Variants in LIPA observed in about 807,000 individuals in gnomAD.
LIPA encodes the protein lipase A, lysosomal acid type.
A neutral mutation model predicts 40.6 loss-of-function variants in LIPA; 26 were observed. That is an observed-to-expected ratio of 0.64 (90% CI 0.47 to 0.89). LIPA has a LOEUF of 0.89. LIPA is among the 40% of genes least tolerant of loss of function. The pLI, the probability that LIPA is intolerant of heterozygous loss-of-function variation, is 0.00. For synonymous variants in LIPA, 188 were observed against 168.4 expected, an observed-to-expected ratio of 1.12 and a Z score of -0.90; for missense variants, 455 against 479.6, an observed-to-expected ratio of 0.95 and a Z score of 0.48.
intron 8 of LIPA, 95 bp from the exon 9 acceptor site, chr10:89,216,104 C>G: frequency 1.2e-6 from 1 of 814,120 alleles, no homozygotes. Context: ...CGGAAATCAA[C>G]TTTATACCAA....
At chr10:89,385,459 G>A (rs918457601) in intron 2 of LIPA, among the ~76,000 whole-genome samples, 6 of 152,254 alleles carry the variant, frequency 3.9e-5, no homozygotes, top group Middle Eastern at 3.4e-3. Context: ...GGGACAATAA[G>A]AATCATTTTC....
At chr10:89,326,794 A>G (rs1843603769) in intron 1 of LIPA, among the ~76,000 whole-genome samples, 1 of 152,216 alleles carries the variant, frequency 6.6e-6, no homozygotes, top group Non-Finnish European at 1.5e-5. Flanking sequence ...ATGGTCAGAT[A>G]CCTAATGTTG....
chr10:89,381,400 T>C (rs150595658), intron 2 of LIPA, among the ~76,000 whole-genome samples: 2 of 152,290 alleles, frequency 1.3e-5, no homozygotes, highest in East Asian at 1.9e-4. Flanking sequence ...ACCCAGCATA[T>C]GTCCCACACA....
intron 1 of LIPA, among the ~76,000 whole-genome samples, chr10:89,313,446 T>A (rs1051748226): frequency 5.3e-5 from 8 of 152,244 alleles, no homozygotes; most frequent in Non-Finnish European, 8.8e-5. Context: ...GTATGTTTAA[T>A]GTAAAATGGT....
chr10:89,287,329 C>G (rs1267212708), intron 1 of LIPA, among the ~76,000 whole-genome samples: 1 of 152,246 alleles, frequency 6.6e-6, no homozygotes. Context: ...GCCTCCATAA[C>G]TGTTGTGGGT....
At chr10:89,297,241 T>C (rs995234660) in intron 1 of LIPA, among the ~76,000 whole-genome samples, 2 of 152,176 alleles carry the variant, frequency 1.3e-5, no homozygotes, top group African/African-American at 4.8e-5. Flanking sequence ...TGCTGCAATC[T>C]GAAACATGAG....
chr10:89,238,705 C>T (rs1247835734), intron 3 of LIPA, among the ~76,000 whole-genome samples: 1 of 152,066 alleles, frequency 6.6e-6, no homozygotes, highest in Non-Finnish European at 1.5e-5. Context: ...ATAGTAAATA[C>T]ATCCTATTTT....
intron 2 of LIPA, among the ~76,000 whole-genome samples, chr10:89,366,536 AAAG>A (rs1177087729): frequency 6.6e-6 from 1 of 152,240 alleles, no homozygotes; most frequent in African/African-American, 2.4e-5. Context: ...ACACTTCTCA[AAAG>A]AAGACATTTA....
At chr10:89,215,769 C>G (rs1842617681) in intron 9 of LIPA, among the ~76,000 whole-genome samples, 169 bp downstream of exon 9, 1 of 152,176 alleles carries the variant, frequency 6.6e-6, no homozygotes, top group Non-Finnish European at 1.5e-5. Context: ...TCCACAACAC[C>G]AGCTACAAAG....
intron 1 of LIPA, chr10:89,339,739 C>A: frequency 6.2e-7 from 1 of 1,614,186 alleles, no homozygotes; most frequent in Non-Finnish European, 8.5e-7. Flanking sequence ...ACAATCCCAT[C>A]AGCGCTACTG....
chr10:89,347,836 T>C (rs564519403), intron 2 of LIPA, among the ~76,000 whole-genome samples: 1 of 152,250 alleles, frequency 6.6e-6, no homozygotes, highest in South Asian at 2.1e-4. Flanking sequence ...GCTGAGACAG[T>C]GTCATGACAG....
intron 1 of LIPA, chr10:89,293,716 T>C (rs574811693): frequency 3.3e-5 from 3 of 90,604 alleles, no homozygotes; most frequent in East Asian, 7.1e-4. Context: ...GAGAGAGAGA[T>C]ATCTGAGGTC....
At chr10:89,321,372 G>T (rs1418069194) in intron 1 of LIPA, among the ~76,000 whole-genome samples, 1 of 151,996 alleles carries the variant, frequency 6.6e-6, no homozygotes, top group African/African-American at 2.4e-5. Flanking sequence ...AAATTTACAA[G>T]AAAAAAATCA....
chr10:89,220,110 G>A (rs1251443322), intron 8 of LIPA, among the ~76,000 whole-genome samples: 1 of 152,210 alleles, frequency 6.6e-6, no homozygotes, highest in Non-Finnish European at 1.5e-5. Context: ...GAAGGGTGAA[G>A]CAACACAGGT....
At chr10:89,274,095 C>T (rs943761234) in intron 1 of LIPA, among the ~76,000 whole-genome samples, 1 of 152,190 alleles carries the variant, frequency 6.6e-6, no homozygotes, top group Non-Finnish European at 1.5e-5. Flanking sequence ...CCATGAGACA[C>T]ATAAAACTAT....
At chr10:89,375,102 C>G (rs1034310058) in intron 2 of LIPA, among the ~76,000 whole-genome samples, 1 of 152,242 alleles carries the variant, frequency 6.6e-6, no homozygotes, top group Non-Finnish European at 1.5e-5. Flanking sequence ...GAAAGCAACA[C>G]TCACAATTAC....
chr10:89,403,327 T>C (rs1272440429), intron 2 of LIPA: 4 of 1,613,584 alleles, frequency 2.5e-6, no homozygotes, highest in Non-Finnish European at 3.4e-6. Flanking sequence ...AGAATGTATA[T>C]AGAAGCAGGC....
intron 1 of LIPA, chr10:89,339,128 G>A: frequency 6.2e-7 from 1 of 1,614,140 alleles, no homozygotes; most frequent in Non-Finnish European, 8.5e-7. Flanking sequence ...GCGAAGGTGT[G>A]TTTTGAGAAG....
intron 2 of LIPA, among the ~76,000 whole-genome samples, chr10:89,371,375 T>C (rs305377): frequency 0.63 from 95,608 of 152,170 alleles, 32,535 homozygotes; most frequent in African/African-American, 0.89. Flanking sequence ...ATCAGAACTA[T>C]AACTCTTTAT....
Sources: allele counts gnomAD v4.1 joint callset (sites outside exome capture counted in the v4.1 genomes callset), GRCh38; gene constraint gnomAD v4.1.1; transcripts MANE v1.5; gene names NCBI Gene and HGNC (gene_info 2026-07-23, HGNC 2026-07-21).